Variants in C12orf42 observed in about 807,000 individuals in gnomAD.
C12orf42 encodes the protein chromosome 12 open reading frame 42, also known as uncharacterized protein C12orf42.
Under a neutral mutation model 21.6 loss-of-function variants are expected in C12orf42, and 25 were observed. The ratio of observed to expected loss-of-function variants is 1.16; its 90% CI spans 0.84 to 1.62. The LOEUF is 1.62. Ranked by LOEUF, C12orf42 falls within the 40% of genes most tolerant of loss-of-function variation. C12orf42 has a pLI of 0.00. For synonymous variants in C12orf42, 174 were observed against 175.0 expected, an observed-to-expected ratio of 0.99 and a Z score of 0.05; for missense variants, 483 against 459.3, an observed-to-expected ratio of 1.05 and a Z score of -0.47.
the C12orf42 span, among the ~76,000 whole-genome samples, chr12:103,553,614 G>A: frequency 2.6e-5 from 4 of 152,282 alleles, no homozygotes; most frequent in East Asian, 3.9e-4. Flanking sequence ...TCCAAAGTTC[G>A]TTAGAAATCG....
At chr12:103,212,280 T>C in the C12orf42 span, among the ~76,000 whole-genome samples, 1 of 152,220 alleles carries the variant, frequency 6.6e-6, no homozygotes, top group African/African-American at 2.4e-5. Context: ...TGTTTCTCCT[T>C]TTCACAGTTT....
chr12:103,188,943 G>C, the C12orf42 span, among the ~76,000 whole-genome samples: 1 of 152,180 alleles, frequency 6.6e-6, no homozygotes, highest in Non-Finnish European at 1.5e-5. Flanking sequence ...AAATGTAGCT[G>C]CTTCATGGAA....
chr12:103,188,380 A>C, the C12orf42 span, among the ~76,000 whole-genome samples: 230 of 151,600 alleles, frequency 1.5e-3, 3 homozygotes, highest in African/African-American at 5.3e-3. Context: ...AACCTGGTGC[A>C]CCTATCACCT....
At chr12:103,443,782 A>T (rs1347002242) in intron 2 of C12orf42, among the ~76,000 whole-genome samples, 1 of 152,094 alleles carries the variant, frequency 6.6e-6, no homozygotes, top group Non-Finnish European at 1.5e-5. Flanking sequence ...GCAAGAAGTC[A>T]TGTTGAGTTG....
At chr12:103,507,227 AAAT>A in the C12orf42 span, among the ~76,000 whole-genome samples, 1 of 38,072 alleles carries the variant, frequency 2.6e-5, no homozygotes, top group Non-Finnish European at 3.8e-5. Context: ...ATATAAATAT[AAAT>A]ATATATATAT....
At chr12:103,083,156 G>A in the C12orf42 span, among the ~76,000 whole-genome samples, 2 of 152,150 alleles carry the variant, frequency 1.3e-5, no homozygotes, top group Non-Finnish European at 2.9e-5. Flanking sequence ...TCTGTGGTCA[G>A]GAGTTTGAGG....
At chr12:103,124,748 C>T in the C12orf42 span, among the ~76,000 whole-genome samples, 1 of 152,100 alleles carries the variant, frequency 6.6e-6, no homozygotes, top group South Asian at 2.1e-4. Context: ...CTTAACACTA[C>T]ACATCTTATA....
intron 2 of C12orf42, among the ~76,000 whole-genome samples, chr12:103,468,132 ACT>A (rs2137813065): frequency 1.3e-5 from 2 of 152,178 alleles, no homozygotes; most frequent in East Asian, 3.8e-4. Flanking sequence ...CTAAGAACAA[ACT>A]CTAATTGATC....
chr12:103,500,220 A>G (rs1173461043), upstream of C12orf42, among the ~76,000 whole-genome samples: 1 of 152,220 alleles, frequency 6.6e-6, no homozygotes, highest in Non-Finnish European at 1.5e-5. Context: ...AGAGAAGCCA[A>G]TGGAAGCTAC....
At chr12:103,153,670 G>C in the C12orf42 span, among the ~76,000 whole-genome samples, 1 of 152,076 alleles carries the variant, frequency 6.6e-6, no homozygotes, top group Non-Finnish European at 1.5e-5. Flanking sequence ...GTATCTAAAA[G>C]GATGTGGAAC....
the C12orf42 span, among the ~76,000 whole-genome samples, chr12:103,168,895 C>G: frequency 6.6e-6 from 1 of 152,054 alleles, no homozygotes; most frequent in East Asian, 1.9e-4. Context: ...TCATTCTCAG[C>G]AAACTAACAC....
At chr12:103,069,796 A>G in the C12orf42 span, among the ~76,000 whole-genome samples, 16 of 152,206 alleles carry the variant, frequency 1.1e-4, no homozygotes, top group African/African-American at 3.9e-4. Flanking sequence ...TTACTCAGTA[A>G]TATGCATGAA....
chr12:103,422,259 C>T (rs972865880), intron 2 of C12orf42, among the ~76,000 whole-genome samples: 1 of 152,166 alleles, frequency 6.6e-6, no homozygotes, highest in African/African-American at 2.4e-5. Flanking sequence ...AGGAGATTTG[C>T]AGTACTTTCA....
chr12:103,148,621 T>C, the C12orf42 span, among the ~76,000 whole-genome samples: 1 of 136,704 alleles, frequency 7.3e-6, no homozygotes, highest in African/African-American at 3.1e-5. Flanking sequence ...ATAGTGCTCG[T>C]TTGAGTAAAA....
At chr12:103,184,233 T>A in the C12orf42 span, among the ~76,000 whole-genome samples, 1 of 152,210 alleles carries the variant, frequency 6.6e-6, no homozygotes, top group African/African-American at 2.4e-5. Context: ...GAGGTTTTAT[T>A]GTTTGGTGCA....
chr12:103,083,992 A>C, the C12orf42 span, among the ~76,000 whole-genome samples: 1 of 152,334 alleles, frequency 6.6e-6, no homozygotes, highest in East Asian at 1.9e-4. Flanking sequence ...TGGTATAGTA[A>C]GTATTTAGTA....
chr12:103,287,125 C>T (rs1040954833), intron 4 of C12orf42, among the ~76,000 whole-genome samples: 1 of 152,200 alleles, frequency 6.6e-6, no homozygotes, highest in African/African-American at 2.4e-5. Context: ...ACTAGTTCAA[C>T]CATTGTGGAA....
intron 4 of C12orf42, among the ~76,000 whole-genome samples, chr12:103,354,730 T>A (rs888682376): frequency 3.9e-4 from 59 of 152,232 alleles, no homozygotes; most frequent in African/African-American, 1.4e-3. Context: ...TATTGTTTTG[T>A]TTTGTTTTGT....
chr12:103,460,084 T>C lies in C12orf42; in HGVS notation c.78+18265A>G, dbSNP rs1952586875. 3.3e-5 allele frequency among the ~76,000 whole-genome samples: 5 copies of C among 152,272 alleles called. No individual in the cohort carries two copies. The South Asian group carries it at 1.0e-3, about 32-fold the overall frequency. On this transcript the variant is annotated intron_variant, in intron 2 of 5. Transcript: ENST00000548883. ...CACAGGACTCATAAAGAGTATTAAT[T>C]AAGGCTCGCTGTTCTGATGGATAAA...
Sources: allele counts gnomAD v4.1 joint callset (sites outside exome capture counted in the v4.1 genomes callset), GRCh38; gene constraint gnomAD v4.1.1; transcripts MANE v1.5; gene names NCBI Gene and HGNC (gene_info 2026-07-23, HGNC 2026-07-21).